Variants in ADAMDEC1 observed in about 807,000 individuals in gnomAD.
The protein encoded by ADAMDEC1 is ADAM like decysin 1.
Under a neutral mutation model 60.4 loss-of-function variants are expected in ADAMDEC1, and 62 were observed. The ratio of observed to expected loss-of-function variants is 1.03; its 90% CI spans 0.84 to 1.27. The LOEUF is 1.27. Among genes scored for constraint, ADAMDEC1 ranks in the 50% most tolerant of loss-of-function variants. The pLI is 0.00. For missense variants in ADAMDEC1, 595 were observed against 565.0 expected (o/e 1.05, Z -0.54); for synonymous variants, 210 against 195.1 (o/e 1.08, Z -0.64).
At chr8:24,399,342 T>A in intron 9 of ADAMDEC1, 51 bp from the exon 10 acceptor site, 1 of 1,546,090 alleles carries the variant, frequency 6.5e-7, no homozygotes, top group Non-Finnish European at 8.9e-7. Flanking sequence ...CAAAAGCTAA[T>A]GGTTACAAAG....
chr8:24,394,589 T>C (rs1263122819), intron 4 of ADAMDEC1, among the ~76,000 whole-genome samples: 4 of 152,142 alleles, frequency 2.6e-5, no homozygotes, highest in Non-Finnish European at 5.9e-5. Context: ...CCGTAGACAA[T>C]ACCAGGGCCA....
intron 1 of ADAMDEC1, chr8:24,390,164 T>G (rs1443250219): frequency 9.8e-7 from 1 of 1,024,730 alleles, no homozygotes; most frequent in Admixed American, 2.3e-5. Flanking sequence ...CAGCATTCAA[T>G]AAATATTTGT....
chr8:24,393,338 A>G lies in ADAMDEC1; in HGVS notation c.284A>G (p.Lys95Arg), dbSNP rs149839644. Residue 95 changes from lysine to arginine, a missense_variant and splice_region_variant, in exon 3 of 14, where the codon AAG becomes AGG. Physicochemically the swap from Lys to Arg is conservative, Grantham distance 26 (BLOSUM62 2). Transcript: ENST00000256412. Reference sequence around the variant, plus strand: ...ATCATTCTCTCCCTACAAAAAACCAAGTAAGTTGTACCTCCTAAAAGTCTA... The same window carrying G: ...ATCATTCTCTCCCTACAAAAAACCAGGTAAGTTGTACCTCCTAAAAGTCTA... ...EEIILSLQKT[K>R]HLLGPDYTET... The G allele has an allele frequency of 6.3e-7, 1 of 1,585,304 alleles. No individual in the cohort carries two copies. Among genetic ancestry groups the G allele is most frequent in the African/African-American group, 1.3e-5 (1 of 74,112 alleles).
intron 11 of ADAMDEC1, 78 bp downstream of exon 11, chr8:24,400,378 T>C: frequency 2.1e-6 from 3 of 1,403,276 alleles, no homozygotes; most frequent in Non-Finnish European, 2.9e-6. Flanking sequence ...TTATTCTCTA[T>C]TGTTTAATTA....
In ADAMDEC1 at chr8:24,384,615, T is replaced by C. The variant is rs969334251; in HGVS notation, c.88+23T>C. 4 of 1,579,992 alleles carry C rather than the reference T, an allele frequency of 2.5e-6. No homozygotes were observed. The Admixed American group carries it at 5.7e-5, about 23-fold the overall frequency. On this transcript the variant is annotated intron_variant, in intron 1 of 13. Coordinates refer to ENST00000256412, the MANE Select transcript of ADAMDEC1 (RefSeq NM_014479.3). ...AAGGTACGTACCATCACACCAGCAT[T>C]TTACATAAAAGTCAAATTATTTGAT... is the stretch of plus-strand genomic sequence containing the variant.
chr8:24,396,326 C>T (rs954002231), intron 5 of ADAMDEC1, among the ~76,000 whole-genome samples: 3 of 151,884 alleles, frequency 2.0e-5, no homozygotes, highest in Admixed American at 6.6e-5. Flanking sequence ...CTGGCTAACA[C>T]GGTGAAACCC....
chr8:24,389,355 C>T (rs1446957955), intron 1 of ADAMDEC1, among the ~76,000 whole-genome samples: 1 of 152,122 alleles, frequency 6.6e-6, no homozygotes, highest in Non-Finnish European at 1.5e-5. Flanking sequence ...GTTCTATATC[C>T]AATCCTTCAC....
At position 24,401,985 on chromosome 8, in the gene ADAMDEC1, C is replaced by G. The variant is rs1002258127; in HGVS notation, c.1213C>G (p.Pro405Ala). The stretch of plus-strand genomic sequence containing the variant: ...TGAAAGATACCTTTTATCTCAGAAA[C>G]CAAAGTGCCTGCTGCAAGCACCTAT... ...HFERYLLSQK[P>A]KCLLQAPIPT... The change falls in exon 12 of 14, where the codon CCA becomes GCA. Residue 405 changes from proline (P) to alanine (A), a missense_variant. Pro to Ala is a conservative substitution (Grantham distance 27). Transcript: ENST00000256412. The G allele has an allele frequency of 6.2e-7, 1 of 1,613,342 alleles. No homozygotes were observed. Among genetic ancestry groups the G allele is most frequent in the East Asian group, 2.2e-5 (1 of 44,822 alleles).
Position 24,404,017 on chromosome 8 carries a change from C to T in ADAMDEC1, c.1335C>T (p.Leu445=). Residue 445 remains leucine (L), a synonymous_variant, in exon 13 of 14, where the codon CTC becomes CTT. Coordinates refer to ENST00000256412, the MANE Select transcript of ADAMDEC1 (RefSeq NM_014479.3). ...DCGSPKECTN[L]CCEALTCKLK... Reference sequence around the variant, plus strand: ...GTGCTTTGAAGGAGTGTACCAATCTCTGCTGTGAAGCCCTAACGTGTAAAC... The same window carrying T: ...GTGCTTTGAAGGAGTGTACCAATCTTTGCTGTGAAGCCCTAACGTGTAAAC... 1.2e-6 allele frequency: 2 copies of T among 1,613,664 alleles called. No homozygotes were observed. The highest frequency in any genetic ancestry group is 1.7e-6 in the Non-Finnish European group (2 of 1,179,718).
rs1270415299 is a variant in ADAMDEC1 at position 24,405,406 on chromosome 8, T to C, written c.*108T>C. Reference sequence around the variant, plus strand: ...TTCACCCATAATGGTCTTTCACTTGTCATTCTACTTTCTATATTGTTATCA... The same window carrying C: ...TTCACCCATAATGGTCTTTCACTTGCCATTCTACTTTCTATATTGTTATCA... On this transcript the variant is annotated 3_prime_UTR_variant, in exon 14 of 14. Transcript: ENST00000256412. 1.6e-6 allele frequency: 2 copies of C among 1,257,264 alleles called. No homozygotes were observed. Among genetic ancestry groups the C allele is most frequent in the Non-Finnish European group, 2.3e-6 (2 of 876,092 alleles). The allele number at this position is 1,257,264 out of a possible 1,614,324, so 77.9% of individuals were successfully genotyped here.
At chr8:24,396,403 T>C (rs760035569) in intron 5 of ADAMDEC1, among the ~76,000 whole-genome samples, 3 of 152,100 alleles carry the variant, frequency 2.0e-5, no homozygotes, top group Non-Finnish European at 2.9e-5. Flanking sequence ...TCCCAGCTAC[T>C]CCGGAGGCTG....
At chr8:24,386,646 T>C (rs149319801) in intron 1 of ADAMDEC1, among the ~76,000 whole-genome samples, 45 of 152,312 alleles carry the variant, frequency 3.0e-4, no homozygotes, top group East Asian at 1.4e-3. Flanking sequence ...TACAAGGACA[T>C]TGACCTAACA....
chr8:24,402,211 T>C, intron 12 of ADAMDEC1, 119 bp downstream of exon 12: 1 of 914,316 alleles, frequency 1.1e-6, no homozygotes, highest in Admixed American at 3.3e-5. Flanking sequence ...AAAGGAGATT[T>C]GTGCTTGTGT....
At chr8:24,394,843 C>T (rs541135936) in intron 4 of ADAMDEC1, among the ~76,000 whole-genome samples, 2 of 152,266 alleles carry the variant, frequency 1.3e-5, no homozygotes, top group African/African-American at 4.8e-5. Context: ...CTTCAGCGGA[C>T]AGTGTCTGAT....
intron 5 of ADAMDEC1, among the ~76,000 whole-genome samples, chr8:24,396,834 T>A (rs971705312): frequency 2.6e-5 from 4 of 152,214 alleles, no homozygotes; most frequent in Admixed American, 6.5e-5. Context: ...AAAGAGGGAT[T>A]CTTTAAGCTA....
intron 5 of ADAMDEC1, 25 bp downstream of exon 5, chr8:24,395,821 C>T (rs745599627): frequency 6.4e-7 from 1 of 1,560,338 alleles, no homozygotes; most frequent in South Asian, 1.1e-5. Flanking sequence ...CAAAATTACT[C>T]AAGATCAAGA....
At chr8:24,396,483 G>T (rs1008973901) in intron 5 of ADAMDEC1, among the ~76,000 whole-genome samples, 2 of 152,154 alleles carry the variant, frequency 1.3e-5, no homozygotes, top group Non-Finnish European at 2.9e-5. Flanking sequence ...CTGCACTCTA[G>T]CTTGGGCGAC....
chr8:24,405,484 G>T lies in ADAMDEC1; in HGVS notation c.*186G>T. On this transcript the variant is annotated 3_prime_UTR_variant, in exon 14 of 14. Coordinates refer to ENST00000256412, the MANE Select transcript of ADAMDEC1 (RefSeq NM_014479.3). ...TTAGAGACATTGGCTCTTTGTTTAGGCCTAATCTTTCTTTTTACTTTTTTT... is the reference window on the plus strand; with the variant it reads ...TTAGAGACATTGGCTCTTTGTTTAGTCCTAATCTTTCTTTTTACTTTTTTT... 7.6e-6 allele frequency: 4 copies of T among 524,316 alleles called. No homozygotes were observed. Among genetic ancestry groups the T allele is most frequent in the Non-Finnish European group, 9.8e-6 (3 of 306,434 alleles). 32.5% of individuals were successfully genotyped at this position (524,316 alleles called of 1,614,324 possible).
chr8:24,399,401 G>A lies in ADAMDEC1; in HGVS notation c.938G>A (p.Ser313Asn). Residue 313 changes from serine to asparagine, a missense_variant, in exon 10 of 14, where the codon AGC (serine) becomes AAC (asparagine). Physicochemically the swap from Ser to Asn is conservative, Grantham distance 46. Coordinates refer to ENST00000256412, the MANE Select transcript of ADAMDEC1 (RefSeq NM_014479.3). ...HDHAQLLSGI[S>N]FNNRRVGLAA... ...TGTAACTTTTCATACAGCGGGATTA[G>A]CTTCAACAATCGACGTGTGGGACTG... 6.2e-7 allele frequency: 1 copy of A among 1,613,796 alleles called. No individual in the cohort carries two copies. The highest frequency in any genetic ancestry group is 1.1e-5 in the South Asian group (1 of 91,066).
Sources: gnomAD v4.1 joint callset for allele counts (sites outside exome capture counted in the v4.1 genomes callset) on GRCh38, gnomAD v4.1.1 for gene constraint, MANE v1.5 for transcripts, NCBI Gene and HGNC (gene_info 2026-07-23, HGNC 2026-07-21) for gene names.